LRP1B: variants seen among roughly 807,000 people sequenced by gnomAD.
LRP1B encodes low-density lipoprotein receptor-related protein 1B.
In LRP1B, 217 loss-of-function variants were observed where a neutral mutation model predicts 556.6. That is an observed-to-expected ratio of 0.39 (90% CI 0.35 to 0.44). The LOEUF is 0.44. Among genes scored for constraint, LRP1B ranks in the 20% least tolerant of loss-of-function variants. LRP1B has a pLI of 1.00. For missense variants in LRP1B, 5,053 were observed against 5,620.8 expected, an observed-to-expected ratio of 0.90 and a Z score of 3.23; for synonymous variants, 2,047 against 1,865.8, an observed-to-expected ratio of 1.10 and a Z score of -2.50.
chr2:141,707,567 A>G (rs1276211280), intron 2 of LRP1B, among the ~76,000 whole-genome samples: 2 of 152,176 alleles, frequency 1.3e-5, no homozygotes, highest in Admixed American at 1.3e-4. Flanking sequence ...ATTACTGCAC[A>G]CACAGGGCTG....
intron 1 of LRP1B, among the ~76,000 whole-genome samples, chr2:142,076,678 A>C (rs891587908): frequency 1.3e-5 from 2 of 152,094 alleles, no homozygotes; most frequent in Non-Finnish European, 2.9e-5. Flanking sequence ...TTCAGTAGTA[A>C]GGATTTTTGT....
intron 2 of LRP1B, among the ~76,000 whole-genome samples, chr2:141,795,476 A>C (rs1442581120): frequency 1.3e-5 from 2 of 152,082 alleles, no homozygotes; most frequent in African/African-American, 4.8e-5. Flanking sequence ...ATCTACATTA[A>C]TTTTAAGTTT....
chr2:141,298,894 C>T (rs1324207792), intron 3 of LRP1B, among the ~76,000 whole-genome samples: 3 of 147,612 alleles, frequency 2.0e-5, no homozygotes, highest in African/African-American at 7.5e-5. Context: ...GCAGAGGTTG[C>T]AGTGAGCCAA....
At chr2:140,326,711 A>ATGTT (rs1680502132) in intron 79 of LRP1B, among the ~76,000 whole-genome samples, 1 of 151,376 alleles carries the variant, frequency 6.6e-6, no homozygotes, top group South Asian at 2.1e-4. Context: ...AAAAAAAAAA[A>ATGTT]TGTTTATGGT....
chr2:140,968,414 TCTC>T (rs555334805), intron 18 of LRP1B, among the ~76,000 whole-genome samples: 222 of 152,254 alleles, frequency 1.5e-3, no homozygotes, highest in African/African-American at 5.2e-3. Flanking sequence ...ATTTGATTCT[TCTC>T]TCTTTTCTTA....
intron 1 of LRP1B, among the ~76,000 whole-genome samples, chr2:142,011,211 T>A (rs1233333952): frequency 2.0e-5 from 3 of 152,202 alleles, no homozygotes; most frequent in Admixed American, 1.3e-4. Flanking sequence ...CAATTTTATA[T>A]CTCTGATATA....
At chr2:140,862,833 C>CA (rs1692837535) in intron 27 of LRP1B, among the ~76,000 whole-genome samples, 1 of 152,130 alleles carries the variant, frequency 6.6e-6, no homozygotes, top group Admixed American at 6.5e-5. Flanking sequence ...AGGGAAGCAT[C>CA]ATCCAATCTG....
chr2:141,154,173 A>G (rs1702009913), intron 7 of LRP1B, among the ~76,000 whole-genome samples: 1 of 151,872 alleles, frequency 6.6e-6, no homozygotes, highest in Non-Finnish European at 1.5e-5. Context: ...ACTATAGTTT[A>G]AAGAATGAAG....
At chr2:140,748,689 T>C (rs1688440133) in intron 35 of LRP1B, among the ~76,000 whole-genome samples, 1 of 126,684 alleles carries the variant, frequency 7.9e-6, no homozygotes, top group South Asian at 2.3e-4. Flanking sequence ...TTGCTAGGAA[T>C]TTTTTAAGTC....
chr2:141,642,746 C>T (rs990788070), intron 2 of LRP1B, among the ~76,000 whole-genome samples: 1 of 152,068 alleles, frequency 6.6e-6, no homozygotes, highest in Non-Finnish European at 1.5e-5. Context: ...ATGAGAAAAG[C>T]CCCTTTGAAC....
At chr2:140,714,103 A>G (rs1328867496) in intron 37 of LRP1B, among the ~76,000 whole-genome samples, 2 of 152,108 alleles carry the variant, frequency 1.3e-5, no homozygotes, top group African/African-American at 4.8e-5. Context: ...ACTTGTTTGA[A>G]TTTTCAGTTT....
At chr2:140,245,261 TA>T (rs1681100310) in intron 87 of LRP1B, among the ~76,000 whole-genome samples, 1 of 151,348 alleles carries the variant, frequency 6.6e-6, no homozygotes, top group African/African-American at 2.4e-5. Context: ...TGCATGTAAT[TA>T]AAACCAGTTT....
At chr2:141,065,300 A>G (rs552815810) in intron 7 of LRP1B, among the ~76,000 whole-genome samples, 1 of 152,010 alleles carries the variant, frequency 6.6e-6, no homozygotes, top group African/African-American at 2.4e-5. Context: ...AGGAAAGACA[A>G]GGACATTCTC....
At chr2:141,361,271 T>A (rs1290671437) in intron 3 of LRP1B, among the ~76,000 whole-genome samples, 2 of 152,162 alleles carry the variant, frequency 1.3e-5, no homozygotes, top group Non-Finnish European at 2.9e-5. Context: ...TATTCATGAA[T>A]CTTATCTTTT....
chr2:142,103,313 A>G (rs1466289012), intron 1 of LRP1B, among the ~76,000 whole-genome samples: 2 of 151,938 alleles, frequency 1.3e-5, no homozygotes, highest in Admixed American at 1.3e-4. Context: ...CATTAGCTTT[A>G]GTCCCTGAGA....
chr2:140,790,373 T>C (rs945940710), intron 32 of LRP1B, among the ~76,000 whole-genome samples: 3 of 152,104 alleles, frequency 2.0e-5, no homozygotes, highest in African/African-American at 7.2e-5. Flanking sequence ...AGAGAAAAAA[T>C]TGAAAAGCTG....
At chr2:140,516,334 CATA>C (rs1414739201) in intron 50 of LRP1B, among the ~76,000 whole-genome samples, 20 of 151,758 alleles carry the variant, frequency 1.3e-4, no homozygotes, top group Non-Finnish European at 2.8e-4. Context: ...CAATAATTAA[CATA>C]ATATTTACAT....
rs2105129841 is a variant in LRP1B at position 140,356,357 on chromosome 2, T to C, written c.11515A>G (p.Asn3839Asp). ...CKPGFQRNMK[N>D]RQCEDLNECL... Reference sequence around the variant, plus strand: ...AGTACTCTACCTTCACATTGTCTGTTTTTCATGTTTCTCTGAAATCCAGGC... The same window carrying C: ...AGTACTCTACCTTCACATTGTCTGTCTTTCATGTTTCTCTGAAATCCAGGC... The change falls in exon 75 of 91, where the codon AAC (asparagine) becomes GAC (aspartate). Residue 3839 changes from asparagine to aspartate, a missense_variant. Physicochemically the swap from Asn to Asp is conservative, Grantham distance 23. This residue lies in a region of LRP1B where 599 missense variants were observed against 648.4 expected (regional missense o/e 0.92). Coordinates refer to ENST00000389484, the MANE Select transcript of LRP1B (RefSeq NM_018557.3). 1 of 1,610,940 alleles carries C rather than the reference T, an allele frequency of 6.2e-7. No homozygotes were observed. Among genetic ancestry groups the C allele is most frequent in the South Asian group, 1.1e-5 (1 of 90,948 alleles).
chr2:141,661,874 A>G (rs1457461897), intron 2 of LRP1B, among the ~76,000 whole-genome samples: 2 of 152,182 alleles, frequency 1.3e-5, no homozygotes, highest in African/African-American at 4.8e-5. Context: ...CAAGACACAT[A>G]ATCATCAATT....
Sources: allele counts gnomAD v4.1 joint callset (sites outside exome capture counted in the v4.1 genomes callset), GRCh38; gene constraint gnomAD v4.1.1; regional missense constraint gnomAD v4.1.1; transcripts MANE v1.5; gene names NCBI Gene and HGNC (gene_info 2026-07-23, HGNC 2026-07-21).